Variants in PTPRG observed in about 807,000 individuals in gnomAD.
PTPRG encodes the protein receptor-type tyrosine-protein phosphatase gamma.
In PTPRG, 102 loss-of-function variants were observed where a neutral mutation model predicts 165.3. The observed-to-expected ratio is 0.62, with a 90% confidence interval of 0.53 to 0.73. The LOEUF (loss-of-function observed/expected upper bound fraction) is 0.73. Among genes scored for constraint, PTPRG ranks in the 30% least tolerant of loss-of-function variants. The pLI, the probability that PTPRG is intolerant of heterozygous loss-of-function variation, is 0.00. For missense variants in PTPRG, 1,866 were observed against 1,861.4 expected, an observed-to-expected ratio of 1.00 and a Z score of -0.05; for synonymous variants, 675 against 669.5, an observed-to-expected ratio of 1.01 and a Z score of -0.13.
At chr3:61,651,764 C>G (rs1281235192) in intron 1 of PTPRG, among the ~76,000 whole-genome samples, 1 of 152,148 alleles carries the variant, frequency 6.6e-6, no homozygotes. Flanking sequence ...AATCCCAGCA[C>G]TTTGGGAGGC....
At chr3:61,655,718 G>A (rs1249390669) in intron 1 of PTPRG, among the ~76,000 whole-genome samples, 1 of 152,076 alleles carries the variant, frequency 6.6e-6, no homozygotes, top group Non-Finnish European at 1.5e-5. Flanking sequence ...TGATCCTCCT[G>A]CCTCAGCCTT....
chr3:61,603,485 AG>A (rs1460403981), intron 1 of PTPRG, among the ~76,000 whole-genome samples: 8 of 152,344 alleles, frequency 5.3e-5, no homozygotes, highest in Admixed American at 3.9e-4. Context: ...CTTCCAGTAT[AG>A]CCTGAAAAAC....
chr3:62,069,672 T>TCA (rs1468607304), intron 4 of PTPRG, among the ~76,000 whole-genome samples: 2 of 26,554 alleles, frequency 7.5e-5, no homozygotes, highest in African/African-American at 1.6e-4. Flanking sequence ...TCTCTCTCTC[T>TCA]CTCTCTCTCT....
intron 6 of PTPRG, among the ~76,000 whole-genome samples, chr3:62,133,958 G>A (rs1703612130): frequency 6.6e-6 from 1 of 151,968 alleles, no homozygotes; most frequent in South Asian, 2.1e-4. Context: ...ACTCCAGCCT[G>A]GACAACAGAG....
chr3:62,172,238 A>T (rs1479244058), intron 8 of PTPRG, among the ~76,000 whole-genome samples: 3 of 152,150 alleles, frequency 2.0e-5, no homozygotes, highest in Admixed American at 2.0e-4. Context: ...GTAAATATAC[A>T]TTTTCAAGTC....
rs544044271 is a variant in PTPRG at position 61,940,694 on chromosome 3, C to T, written c.191-48931C>T. Among the ~76,000 whole-genome samples the T allele has an allele frequency of 1.1e-4, 17 of 148,706 alleles. No individual in the cohort carries two copies. The South Asian group carries it at 2.4e-3, about 21-fold the overall frequency. On this transcript the variant is annotated intron_variant, in intron 2 of 29. Coordinates refer to ENST00000474889, the MANE Select transcript of PTPRG (RefSeq NM_002841.4). The stretch of plus-strand genomic sequence containing the variant: ...ATTTTTTATTTTTTTGACAGAGTCT[C>T]GCTCTGTTGGCCAGGCTGGAGTGCA...
chr3:62,161,083 T>G (rs1020455892), intron 7 of PTPRG, among the ~76,000 whole-genome samples: 1 of 152,252 alleles, frequency 6.6e-6, no homozygotes, highest in African/African-American at 2.4e-5. Flanking sequence ...GCCTCGGTTT[T>G]CTCCTCTGTA....
intron 1 of PTPRG, among the ~76,000 whole-genome samples, chr3:61,666,098 A>T (rs2107046468): frequency 6.6e-6 from 1 of 151,920 alleles, no homozygotes; most frequent in East Asian, 1.9e-4. Flanking sequence ...GCTGGTGACT[A>T]TTGAGTTTGG....
chr3:61,696,504 A>AAAAC (rs994869456), intron 1 of PTPRG, among the ~76,000 whole-genome samples: 4 of 152,212 alleles, frequency 2.6e-5, no homozygotes, highest in African/African-American at 4.8e-5. Context: ...TTCCGTCTCA[A>AAAAC]AAACAAACAA....
intron 17 of PTPRG, among the ~76,000 whole-genome samples, chr3:62,266,801 C>T (rs1292629899): frequency 6.8e-6 from 1 of 147,354 alleles, no homozygotes; most frequent in African/African-American, 2.5e-5. Context: ...CTAAAAAAAA[C>T]AGGCACAATC....
chr3:62,049,437 T>A (rs1700401117), intron 4 of PTPRG, among the ~76,000 whole-genome samples: 1 of 152,234 alleles, frequency 6.6e-6, no homozygotes, highest in South Asian at 2.1e-4. Flanking sequence ...CCATTTGAAA[T>A]ATTTCATTTG....
At position 61,833,995 on chromosome 3, in the gene PTPRG, C is replaced by T. The variant is rs574733293; in HGVS notation, c.190+85013C>T. Among the ~76,000 whole-genome samples, 14 of 152,294 alleles carry T rather than the reference C, an allele frequency of 9.2e-5. No individual in the cohort carries two copies. In the South Asian group the frequency reaches 1.4e-3, roughly 16 times the overall value. ...CTTTATTGGCTTCAATTAGTCACAG[C>T]ACAGTAACTTAAAATGATTAATAAC... is the stretch of plus-strand genomic sequence containing the variant. On this transcript the variant is annotated intron_variant, in intron 2 of 29. Transcript: ENST00000474889.
At chr3:62,083,713 C>T (rs2106772784) in intron 5 of PTPRG, among the ~76,000 whole-genome samples, 1 of 152,292 alleles carries the variant, frequency 6.6e-6, no homozygotes, top group South Asian at 2.1e-4. Context: ...GGCCAAGAAT[C>T]TTTTATCGTC....
intron 13 of PTPRG, among the ~76,000 whole-genome samples, chr3:62,230,581 C>T (rs1371629948): frequency 6.6e-6 from 1 of 152,150 alleles, no homozygotes; most frequent in African/African-American, 2.4e-5. Flanking sequence ...GTAGCCAAGT[C>T]TCAGATGCTA....
intron 16 of PTPRG, among the ~76,000 whole-genome samples, chr3:62,259,521 C>T (rs1352506240): frequency 6.6e-6 from 1 of 152,206 alleles, no homozygotes; most frequent in East Asian, 1.9e-4. Context: ...GATAAGCTTG[C>T]TGTAGAGTTA....
intron 2 of PTPRG, among the ~76,000 whole-genome samples, chr3:61,895,040 T>C (rs997729162): frequency 2.0e-4 from 30 of 152,176 alleles, no homozygotes; most frequent in African/African-American, 7.2e-4. Context: ...AACCAGTGTC[T>C]CCAGATGGAC....
intron 2 of PTPRG, among the ~76,000 whole-genome samples, chr3:61,857,057 C>A (rs1185511494): frequency 6.6e-6 from 1 of 152,068 alleles, no homozygotes; most frequent in Non-Finnish European, 1.5e-5. Flanking sequence ...CATTTCCCAT[C>A]CTATTTTCCT....
At chr3:62,204,097 T>G in intron 12 of PTPRG, 147 bp downstream of exon 12, 1 of 1,347,576 alleles carries the variant, frequency 7.4e-7, no homozygotes, top group Non-Finnish European at 9.7e-7. Context: ...GGTGCACACA[T>G]GTGAAATGTG....
chr3:61,598,397 C>G (rs188656442), intron 1 of PTPRG, among the ~76,000 whole-genome samples: 3 of 152,182 alleles, frequency 2.0e-5, no homozygotes. Flanking sequence ...TCCTTTTACC[C>G]TGGAGATTCC....
Sources: gnomAD v4.1 joint callset for allele counts (sites outside exome capture counted in the v4.1 genomes callset) on GRCh38, gnomAD v4.1.1 for gene constraint, MANE v1.5 for transcripts, NCBI Gene and HGNC (gene_info 2026-07-23, HGNC 2026-07-21) for gene names.